The following BMPR1A variants were observed in gnomAD, a reference collection of about 807,000 sequenced individuals.
BMPR1A encodes the protein bone morphogenetic protein receptor type 1A, also known as bone morphogenetic protein receptor type-1A.
Under a neutral mutation model 66.0 loss-of-function variants are expected in BMPR1A, and 7 were observed. That is an observed-to-expected ratio of 0.11 (90% CI 0.06 to 0.20). The LOEUF (loss-of-function observed/expected upper bound fraction) is 0.20. BMPR1A is among the 10% of genes least tolerant of loss of function. BMPR1A has a pLI of 1.00. For missense variants in BMPR1A, 408 were observed against 669.1 expected, an observed-to-expected ratio of 0.61 and a Z score of 4.31; for synonymous variants, 200 against 229.7, an observed-to-expected ratio of 0.87 and a Z score of 1.17.
intron 2 of BMPR1A, among the ~76,000 whole-genome samples, chr10:86,866,395 C>CTT (rs1842785365): frequency 1.4e-5 from 1 of 70,652 alleles, no homozygotes; most frequent in South Asian, 4.8e-4. Context: ...GGGCAAGTTT[C>CTT]TTTCTTTTTT....
chr10:86,786,109 C>G (rs1169819569), intron 1 of BMPR1A, among the ~76,000 whole-genome samples: 2 of 152,168 alleles, frequency 1.3e-5, no homozygotes, highest in African/African-American at 2.4e-5. Context: ...CATGTATTCT[C>G]ACATCCCTCA....
chr10:86,869,318 C>T (rs551197817), intron 2 of BMPR1A, among the ~76,000 whole-genome samples: 4 of 151,830 alleles, frequency 2.6e-5, no homozygotes, highest in South Asian at 2.1e-4. Context: ...ATTAGCTGGA[C>T]GTGGTGGTGC....
At chr10:86,890,282 T>A in intron 4 of BMPR1A, 58 bp downstream of exon 4, 1 of 1,594,858 alleles carries the variant, frequency 6.3e-7, no homozygotes. Context: ...CATTTAGTGC[T>A]ATTTTAAGAA....
intron 2 of BMPR1A, among the ~76,000 whole-genome samples, chr10:86,862,193 G>C (rs1842720696): frequency 6.6e-6 from 1 of 152,204 alleles, no homozygotes; most frequent in Non-Finnish European, 1.5e-5. Context: ...CAGCCAGAAA[G>C]GAGAGGAGTG....
chr10:86,821,169 G>A (rs1842115403), intron 1 of BMPR1A, among the ~76,000 whole-genome samples: 1 of 152,192 alleles, frequency 6.6e-6, no homozygotes, highest in Non-Finnish European at 1.5e-5. Flanking sequence ...AAGTGGCGGT[G>A]TTGAGACTGC....
intron 1 of BMPR1A, among the ~76,000 whole-genome samples, chr10:86,759,414 T>C (rs760809142): frequency 2.0e-5 from 3 of 152,228 alleles, no homozygotes; most frequent in South Asian, 2.1e-4. Context: ...TTTTGTTTGT[T>C]TGTTTTGTTT....
intron 3 of BMPR1A, among the ~76,000 whole-genome samples, chr10:86,885,949 A>G (rs1843061862): frequency 6.6e-6 from 1 of 152,186 alleles, no homozygotes; most frequent in African/African-American, 2.4e-5. Flanking sequence ...AGGACCTGTA[A>G]ATGTGCCTGT....
rs1003687568 is a variant in BMPR1A, at chr10:86,765,267, C to T, written c.-268+8348C>T. Among the ~76,000 whole-genome samples, 5 of 152,152 alleles carry T rather than the reference C, an allele frequency of 3.3e-5. No homozygotes were observed. In the South Asian group the frequency reaches 1.0e-3, roughly 32 times the overall value. ...CTTTGGGAGGCCGAGGCGGGAGGAT[C>T]ACGAGGTCAGGAACTCGAGACCAGC... On this transcript the variant is annotated intron_variant, in intron 1 of 12. Transcript: ENST00000372037.
chr10:86,888,491 A>C (rs1159739931), intron 3 of BMPR1A, among the ~76,000 whole-genome samples: 5 of 152,062 alleles, frequency 3.3e-5, no homozygotes, highest in African/African-American at 1.2e-4. Flanking sequence ...CTCTATACTC[A>C]TTCAGTAGCA....
At chr10:86,766,754 C>T (rs560814353) in intron 1 of BMPR1A, among the ~76,000 whole-genome samples, 14 of 151,922 alleles carry the variant, frequency 9.2e-5, no homozygotes, top group Admixed American at 3.3e-4. Context: ...TACAGGCGCC[C>T]GCCATCACAC....
intron 1 of BMPR1A, among the ~76,000 whole-genome samples, chr10:86,776,473 C>T (rs1841349796): frequency 6.6e-6 from 1 of 152,134 alleles, no homozygotes; most frequent in Non-Finnish European, 1.5e-5. Flanking sequence ...TTTGTGAGGC[C>T]ATGGGCTTCT....
intron 1 of BMPR1A, among the ~76,000 whole-genome samples, chr10:86,821,141 A>C (rs1162000801): frequency 6.6e-6 from 1 of 152,192 alleles, no homozygotes. Context: ...CGTGTGGCAT[A>C]ACATTTGTAG....
chr10:86,819,550 C>T (rs897502739), intron 1 of BMPR1A, among the ~76,000 whole-genome samples: 4 of 152,196 alleles, frequency 2.6e-5, no homozygotes, highest in Non-Finnish European at 4.4e-5. Flanking sequence ...CCGCCCACTT[C>T]GGCCTCCCCA....
In BMPR1A at chr10:86,889,840, GAT is replaced by G; in HGVS notation, c.68-218_68-217del. On this transcript the variant is annotated intron_variant, in intron 3 of 12. Transcript: ENST00000372037. ...TGTCTTTCACTAGTGCAAAAATTGTGATATAGCTGTCTTCATGTACCCCGCAA... is the reference window on the plus strand; with the variant it reads ...TGTCTTTCACTAGTGCAAAAATTGTGATAGCTGTCTTCATGTACCCCGCAA... The G allele has an allele frequency of 7.3e-6, 4 of 551,606 alleles. No individual in the cohort carries two copies. The South Asian group carries it at 9.0e-5, about 12-fold the overall frequency. The allele number at this position is 551,606 out of a possible 1,614,324, so 34.2% of individuals were successfully genotyped here.
intron 3 of BMPR1A, among the ~76,000 whole-genome samples, chr10:86,881,937 TTGA>T (rs1407023512): frequency 6.6e-6 from 1 of 152,178 alleles, no homozygotes; most frequent in African/African-American, 2.4e-5. Flanking sequence ...GCCTTGATGT[TTGA>T]TGATATTGGT....
intron 2 of BMPR1A, among the ~76,000 whole-genome samples, chr10:86,840,380 G>A (rs747517358): frequency 6.4e-4 from 98 of 152,096 alleles, no homozygotes; most frequent in Non-Finnish European, 1.2e-3. Flanking sequence ...AGTTGTGATC[G>A]TTTTTTTCTT....
chr10:86,785,998 C>T (rs1417730234), intron 1 of BMPR1A, among the ~76,000 whole-genome samples: 3 of 152,138 alleles, frequency 2.0e-5, no homozygotes, highest in Non-Finnish European at 2.9e-5. Flanking sequence ...TCACTTTCAC[C>T]GTCTTTAGCA....
intron 1 of BMPR1A, among the ~76,000 whole-genome samples, chr10:86,762,184 T>C (rs1339132715): frequency 1.3e-5 from 2 of 152,204 alleles, no homozygotes; most frequent in African/African-American, 4.8e-5. Context: ...ATGATATAAT[T>C]AATTGAGGTT....
chr10:86,888,439 G>A (rs1843100059), intron 3 of BMPR1A, among the ~76,000 whole-genome samples: 1 of 152,156 alleles, frequency 6.6e-6, no homozygotes. Flanking sequence ...GTGCACTCCA[G>A]CTTGGGTGAC....
Sources: gnomAD v4.1 joint callset for allele counts (sites outside exome capture counted in the v4.1 genomes callset) on GRCh38, gnomAD v4.1.1 for gene constraint, MANE v1.5 for transcripts, NCBI Gene and HGNC (gene_info 2026-07-23, HGNC 2026-07-21) for gene names.